Variants in SFMBT2 observed in about 807,000 individuals in gnomAD.
SFMBT2 encodes Scm like with four mbt domains 2.
A neutral mutation model predicts 110.1 loss-of-function variants in SFMBT2; 38 were observed. The ratio of observed to expected loss-of-function variants is 0.35; its 90% confidence interval spans 0.27 to 0.45. The LOEUF (loss-of-function observed/expected upper bound fraction) is 0.45, where lower values mean the gene tolerates loss of function less well. SFMBT2 is among the 20% of genes least tolerant of loss of function. The probability of loss-of-function intolerance (pLI) is 1.00; values close to 1 mark genes in which losing one functional copy is unlikely to be tolerated. For synonymous variants in SFMBT2, 425 were observed against 425.4 expected (o/e 1.00, Z 0.01); for missense variants, 1,011 against 1,094.9 (o/e 0.92, Z 1.08).
rs1441889731 is a variant in SFMBT2, at chr10:7,300,317, T to C, written c.437-14363A>G. ...TTTTTTTTAAGAAATAAAGAACAAA[T>C]AAAAATTAAAAGAGACTAAGCAGGC... On this transcript the variant is annotated intron_variant, in intron 4 of 20. Transcript: ENST00000397167. Among the ~76,000 whole-genome samples, 4 of 146,912 alleles carry C rather than the reference T, an allele frequency of 2.7e-5. No homozygotes were observed. In the South Asian group the frequency reaches 6.4e-4, roughly 24 times the overall value.
chr10:7,394,234 G>A (rs1015033485), intron 1 of SFMBT2, among the ~76,000 whole-genome samples: 4 of 152,026 alleles, frequency 2.6e-5, no homozygotes, highest in Admixed American at 1.3e-4. Flanking sequence ...CCACCAGCAC[G>A]CCCAGTGAGA....
Position 7,313,479 on chromosome 10 carries a change from C to G in SFMBT2, c.437-27525G>C, listed in dbSNP as rs575468720. 5.9e-5 allele frequency among the ~76,000 whole-genome samples: 9 copies of G among 152,190 alleles called. No homozygotes were observed. The South Asian group carries it at 1.9e-3, about 32-fold the overall frequency. Reference sequence around the variant, plus strand: ...AGTACAGGTGAATGCCACCAATCTTCGATAGTTTTTGTGTTTTCTCTACAG... The same window carrying G: ...AGTACAGGTGAATGCCACCAATCTTGGATAGTTTTTGTGTTTTCTCTACAG... On this transcript the variant is annotated intron_variant, in intron 4 of 20. Coordinates refer to ENST00000397167, the MANE Select transcript of SFMBT2 (RefSeq NM_001387889.1).
intron 12 of SFMBT2, chr10:7,204,664 A>G (rs1318133160): frequency 4.1e-6 from 1 of 241,484 alleles, no homozygotes; most frequent in African/African-American, 2.3e-5. Flanking sequence ...ACTTGAGGTC[A>G]GAAGTTCGAG....
chr10:7,394,518 A>C (rs1845869532), intron 1 of SFMBT2, among the ~76,000 whole-genome samples: 1 of 135,594 alleles, frequency 7.4e-6, no homozygotes, highest in Non-Finnish European at 1.6e-5. Flanking sequence ...CCACCCCCCA[A>C]CAACTCCCCG....
At chr10:7,185,826 G>GT (rs1255485978) in intron 16 of SFMBT2, among the ~76,000 whole-genome samples, 9 of 92,498 alleles carry the variant, frequency 9.7e-5, no homozygotes, top group Non-Finnish European at 9.9e-5. Flanking sequence ...GAGGTGGAGG[G>GT]CTTTTTTTTT....
At chr10:7,343,540 C>T (rs1044052378) in intron 4 of SFMBT2, among the ~76,000 whole-genome samples, 3 of 151,996 alleles carry the variant, frequency 2.0e-5, no homozygotes, top group African/African-American at 4.8e-5. Flanking sequence ...TCCACAACCT[C>T]GCCAGCATCT....
At chr10:7,284,609 C>G in intron 5 of SFMBT2, 1 of 274,306 alleles carries the variant, frequency 3.6e-6, no homozygotes, top group Non-Finnish European at 5.7e-6. Flanking sequence ...TCTTACTCTA[C>G]TGGCCGCTAC....
At position 7,200,450 on chromosome 10, in the gene SFMBT2, G is replaced by C. The variant is rs1351552227; in HGVS notation, c.1522C>G (p.His508Asp). 1.2e-6 allele frequency: 2 copies of C among 1,602,056 alleles called. No individual in the cohort carries two copies. The highest frequency in any genetic ancestry group is 1.7e-6 in the Non-Finnish European group (2 of 1,173,854). ...AGGTGAGGGAATAAACAAAGGTCAT[G>C]AGGTATTTTCTTAACAGGCACTGTG... ...PPTVPVKKIPHDLCLFPHLDT... is the reference protein window; with the variant it reads ...PPTVPVKKIPDDLCLFPHLDT... The change falls in exon 14 of 21, where the codon CAT becomes GAT. Residue 508 changes from histidine to aspartate, a missense_variant. Transcript: ENST00000397167.
intron 7 of SFMBT2, among the ~76,000 whole-genome samples, chr10:7,257,398 A>G (rs1159103430): frequency 1.3e-5 from 2 of 152,208 alleles, no homozygotes; most frequent in African/African-American, 2.4e-5. Context: ...GGAAAGGGAC[A>G]GCACCTGATT....
chr10:7,375,751 CCACACACACACA>C (rs35306837), intron 2 of SFMBT2, among the ~76,000 whole-genome samples: 1,637 of 124,758 alleles, frequency 0.013, 38 homozygotes, highest in African/African-American at 0.045. Context: ...AAAGAAAAAA[CCACACACACACA>C]CACACACACA....
chr10:7,350,372 C>T (rs186147912), intron 4 of SFMBT2, among the ~76,000 whole-genome samples: 1 of 152,136 alleles, frequency 6.6e-6, no homozygotes, highest in East Asian at 1.9e-4. Flanking sequence ...ATTAGAAAAT[C>T]GATAGCAAAA....
Position 7,172,717 on chromosome 10 carries a change from C to T in SFMBT2, c.1985-56G>A. On this transcript the variant is annotated intron_variant, in intron 17 of 20. Transcript: ENST00000397167. The surrounding 1 kb of genome is among the most constrained non-coding windows in gnomAD (Gnocchi z 4.6). Reference sequence around the variant, plus strand: ...GGCTATACACACACACAGACATGAACAGAGAGAGGAGAGAGAAAGAAGGGA... The same window carrying T: ...GGCTATACACACACACAGACATGAATAGAGAGAGGAGAGAGAAAGAAGGGA... 2 of 1,530,534 alleles carry T rather than the reference C, an allele frequency of 1.3e-6. No individual in the cohort carries two copies. Among genetic ancestry groups the T allele is most frequent in the South Asian group, 2.4e-5 (2 of 81,762 alleles). The allele number at this position is 1,530,534 out of a possible 1,614,324, so 94.8% of individuals were successfully genotyped here.
chr10:7,219,420 A>G (rs1839651404), intron 11 of SFMBT2, among the ~76,000 whole-genome samples: 1 of 152,356 alleles, frequency 6.6e-6, no homozygotes, highest in East Asian at 1.9e-4. Flanking sequence ...GTCAGCCACA[A>G]TGACTGTTTT....
chr10:7,276,974 T>C lies in SFMBT2; in HGVS notation c.788A>G (p.Lys263Arg). The C allele has an allele frequency of 1.1e-6, 1 of 872,704 alleles. No homozygotes were observed. Among genetic ancestry groups the C allele is most frequent in the Non-Finnish European group, 2.0e-6 (1 of 501,458 alleles). 54.1% of individuals were successfully genotyped at this position (872,704 alleles called of 1,614,324 possible). A position where few individuals can be genotyped will look rare whatever the true frequency, so the allele number is the denominator to read the frequency against. The change falls in exon 7 of 21, where the codon AAG (lysine) becomes AGG (arginine). Residue 263 changes from lysine (K) to arginine (R), a missense_variant. Lys to Arg is a conservative substitution (Grantham distance 26, BLOSUM62 2). This residue lies in a region of SFMBT2 where 979 missense variants were observed against 1,016.1 expected (regional missense o/e 0.96). Coordinates refer to ENST00000397167, the MANE Select transcript of SFMBT2 (RefSeq NM_001387889.1). Reference sequence around the variant, plus strand: ...AGTACATTTCCATTCAGAGGCCATCTTCAAAGGATAGATTTCTGTATCAAC... The same window carrying C: ...AGTACATTTCCATTCAGAGGCCATCCTCAAAGGATAGATTTCTGTATCAAC... ...MDPPSEIYPLKMASEWKCTLE... is the reference protein window; with the variant it reads ...MDPPSEIYPLRMASEWKCTLE...
chr10:7,348,519 A>T (rs1844194445), intron 4 of SFMBT2, among the ~76,000 whole-genome samples: 1 of 152,206 alleles, frequency 6.6e-6, no homozygotes, highest in Non-Finnish European at 1.5e-5. Context: ...TCAGAAAAAT[A>T]ATTAGGAAAA....
chr10:7,338,590 A>C (rs1453910601), intron 4 of SFMBT2, among the ~76,000 whole-genome samples: 1 of 152,216 alleles, frequency 6.6e-6, no homozygotes, highest in East Asian at 1.9e-4. Context: ...CACCCTTATC[A>C]TCTTCACACT....
intron 4 of SFMBT2, among the ~76,000 whole-genome samples, chr10:7,338,425 G>C (rs914120229): frequency 6.6e-6 from 1 of 152,196 alleles, no homozygotes; most frequent in African/African-American, 2.4e-5. Context: ...ACTGATAGCA[G>C]TTGATGAACA....
chr10:7,202,705 C>T, intron 12 of SFMBT2, 183 bp from the exon 13 acceptor site: 1 of 985,398 alleles, frequency 1.0e-6, no homozygotes, highest in Non-Finnish European at 1.2e-6. Flanking sequence ...GACGTTAACT[C>T]ACCAGATGTC....
chr10:7,183,364 T>C (rs903124821), intron 16 of SFMBT2, among the ~76,000 whole-genome samples: 3 of 152,152 alleles, frequency 2.0e-5, no homozygotes, highest in Non-Finnish European at 4.4e-5. Context: ...GGGCTGGCAG[T>C]GCTCTCGGAA....
Sources: allele counts gnomAD v4.1 joint callset (sites outside exome capture counted in the v4.1 genomes callset), GRCh38; gene constraint gnomAD v4.1.1; regional missense constraint gnomAD v4.1.1; non-coding constraint Gnocchi (gnomAD v3.1); transcripts MANE v1.5; gene names NCBI Gene and HGNC (gene_info 2026-07-23, HGNC 2026-07-21).